NOS1: variants seen among roughly 807,000 people sequenced by gnomAD.
NOS1 encodes nitric oxide synthase 1, also known as NOS type I.
Under a neutral mutation model 164.5 loss-of-function variants are expected in NOS1, and 51 were observed. That is an observed-to-expected ratio of 0.31 (90% CI 0.25 to 0.39). NOS1 has a LOEUF of 0.39. Among genes scored for constraint, NOS1 ranks in the 10% least tolerant of loss-of-function variants. NOS1 has a pLI of 1.00. For missense variants in NOS1, 1,362 were observed against 1,885.6 expected (o/e 0.72, Z 5.14); for synonymous variants, 719 against 745.8 (o/e 0.96, Z 0.59).
chr12:117,260,353 G>A, intron 14 of NOS1, 112 bp downstream of exon 14: 1 of 1,171,288 alleles, frequency 8.5e-7, no homozygotes, highest in Non-Finnish European at 1.2e-6. Context: ...GGCCCTGTCA[G>A]GTGTGCTTTC....
At chr12:117,267,817 C>CCT (rs1872530449) in intron 11 of NOS1, among the ~76,000 whole-genome samples, 2 of 152,162 alleles carry the variant, frequency 1.3e-5, no homozygotes, top group African/African-American at 4.8e-5. Flanking sequence ...ACAGAACACT[C>CCT]CTCTACCCCT....
intron 28 of NOS1, among the ~76,000 whole-genome samples, chr12:117,217,541 C>T (rs889172298): frequency 3.3e-5 from 5 of 152,090 alleles, no homozygotes; most frequent in Non-Finnish European, 7.4e-5. Flanking sequence ...CCCGTCTCTA[C>T]TAAAAATACA....
At position 117,277,866 on chromosome 12, in the gene NOS1, A is replaced by G; in HGVS notation, c.1664+93T>C. On this transcript the variant is annotated intron_variant, in intron 9 of 28. Coordinates refer to ENST00000317775, the MANE Select transcript of NOS1 (RefSeq NM_000620.5). Reference sequence around the variant, plus strand: ...CTTTCCCCTTTCAGCTTCGGTCTGGACTAGAAAGAAAGCCAGGGGGGATGG... The same window carrying G: ...CTTTCCCCTTTCAGCTTCGGTCTGGGCTAGAAAGAAAGCCAGGGGGGATGG... 4.2e-6 allele frequency: 6 copies of G among 1,426,384 alleles called. No homozygotes were observed. In the East Asian group the frequency reaches 1.2e-4, roughly 28 times the overall value. The allele number at this position is 1,426,384 out of a possible 1,614,324, so 88.4% of individuals were successfully genotyped here. A position where few individuals can be genotyped will look rare whatever the true frequency, so the allele number is the denominator to read the frequency against.
chr12:117,315,635 C>A (rs1347806168), intron 2 of NOS1, among the ~76,000 whole-genome samples: 1 of 152,186 alleles, frequency 6.6e-6, no homozygotes, highest in East Asian at 1.9e-4. Flanking sequence ...TCTGTTCAAC[C>A]TGGATCCACC....
chr12:117,269,638 T>C (rs1175387455), intron 10 of NOS1, among the ~76,000 whole-genome samples: 1 of 151,896 alleles, frequency 6.6e-6, no homozygotes. Flanking sequence ...CAGCTAAGTT[T>C]TGTAATTTTA....
chr12:117,248,442 C>T (rs991782113), intron 17 of NOS1, among the ~76,000 whole-genome samples: 7 of 151,162 alleles, frequency 4.6e-5, no homozygotes, highest in African/African-American at 7.3e-5. Flanking sequence ...TGAGAATATG[C>T]GGTGTTTGGT....
At chr12:117,264,069 C>A (rs1872161580) in intron 12 of NOS1, 95 bp from the exon 13 acceptor site, 1 of 839,940 alleles carries the variant, frequency 1.2e-6, no homozygotes, top group Non-Finnish European at 1.9e-6. Flanking sequence ...CTTGTGACTG[C>A]CTGACCCTCG....
intron 11 of NOS1, among the ~76,000 whole-genome samples, chr12:117,266,882 T>G (rs1357714161): frequency 6.6e-6 from 1 of 152,174 alleles, no homozygotes; most frequent in Non-Finnish European, 1.5e-5. Flanking sequence ...GTCTCTGGCT[T>G]GACAGACTTC....
intron 3 of NOS1, among the ~76,000 whole-genome samples, chr12:117,302,417 A>AC (rs1236892788): frequency 2.0e-5 from 3 of 151,802 alleles, no homozygotes; most frequent in African/African-American, 7.3e-5. Flanking sequence ...ACATGGTGAA[A>AC]CCCCATCTCT....
intron 2 of NOS1, among the ~76,000 whole-genome samples, chr12:117,322,165 CTT>C: frequency 7.8e-6 from 1 of 128,706 alleles, no homozygotes; most frequent in South Asian, 3.0e-4. Context: ...TCCCTCCTTC[CTT>C]CTTTTTCCTT....
At chr12:117,251,638 C>T (rs1284424990) in intron 17 of NOS1, among the ~76,000 whole-genome samples, 2 of 151,214 alleles carry the variant, frequency 1.3e-5, no homozygotes, top group African/African-American at 2.4e-5. Context: ...AATATGTTGC[C>T]CAGGCTGGTC....
chr12:117,281,007 G>C, intron 7 of NOS1, 141 bp from the exon 8 acceptor site: 1 of 889,084 alleles, frequency 1.1e-6, no homozygotes, highest in Non-Finnish European at 1.7e-6. Context: ...AGGGCCAATG[G>C]AGCAGCGGTC....
chr12:117,285,943 C>T (rs1244677925), intron 6 of NOS1, among the ~76,000 whole-genome samples, 161 bp downstream of exon 6: 1 of 152,170 alleles, frequency 6.6e-6, no homozygotes, highest in African/African-American at 2.4e-5. Context: ...CTAGAGCTGG[C>T]TGTGATCTTG....
At chr12:117,263,375 T>C (rs922495966) in intron 13 of NOS1, among the ~76,000 whole-genome samples, 1 of 151,920 alleles carries the variant, frequency 6.6e-6, no homozygotes, top group Non-Finnish European at 1.5e-5. Flanking sequence ...CTCACACCTG[T>C]AATCCTAGCA....
intron 2 of NOS1, among the ~76,000 whole-genome samples, chr12:117,323,048 C>A (rs909389518): frequency 6.6e-6 from 1 of 152,098 alleles, no homozygotes; most frequent in African/African-American, 2.4e-5. Flanking sequence ...CATCCTTCAC[C>A]CTCTCTCCAT....
At chr12:117,311,902 T>G (rs961090403) in intron 2 of NOS1, among the ~76,000 whole-genome samples, 1 of 152,182 alleles carries the variant, frequency 6.6e-6, no homozygotes, top group Non-Finnish European at 1.5e-5. Flanking sequence ...CTCTCCCTTC[T>G]TCATTCCATG....
At chr12:117,276,433 C>T (rs969602661) in intron 9 of NOS1, among the ~76,000 whole-genome samples, 10 of 152,186 alleles carry the variant, frequency 6.6e-5, no homozygotes, top group African/African-American at 2.2e-4. Flanking sequence ...CAGGCATGTG[C>T]CACCATGCCC....
chr12:117,218,930 T>G (rs919158803), intron 27 of NOS1, among the ~76,000 whole-genome samples: 6 of 151,766 alleles, frequency 4.0e-5, no homozygotes, highest in African/African-American at 1.5e-4. Context: ...GTGCACTAGG[T>G]TCCAGCCTCC....
chr12:117,244,392 C>G (rs555455447), intron 18 of NOS1, among the ~76,000 whole-genome samples: 1 of 152,254 alleles, frequency 6.6e-6, no homozygotes, highest in African/African-American at 2.4e-5. Context: ...GGATTACAGG[C>G]ATGTGCACCA....
Sources: gnomAD v4.1 joint callset for allele counts (sites outside exome capture counted in the v4.1 genomes callset) on GRCh38, gnomAD v4.1.1 for gene constraint, MANE v1.5 for transcripts, NCBI Gene and HGNC (gene_info 2026-07-23, HGNC 2026-07-21) for gene names.